UNC93A: variants seen among roughly 807,000 people sequenced by gnomAD.
The protein encoded by UNC93A is N-acetylglucosamine transporter UNC93A.
Under a neutral mutation model 47.5 loss-of-function variants are expected in UNC93A, and 43 were observed. The observed-to-expected ratio is 0.91, with a 90% CI of 0.71 to 1.17. UNC93A has a LOEUF of 1.17. UNC93A is among the 50% of genes most tolerant of loss of function. The pLI, the probability that UNC93A is intolerant of heterozygous loss-of-function variation, is 0.00. For synonymous variants in UNC93A, 280 were observed against 258.0 expected, an observed-to-expected ratio of 1.09 and a Z score of -0.82; for missense variants, 605 against 577.6, an observed-to-expected ratio of 1.05 and a Z score of -0.49.
chr6:167,300,652 T>C (rs1778217599), intron 4 of UNC93A, among the ~76,000 whole-genome samples: 1 of 152,134 alleles, frequency 6.6e-6, no homozygotes, highest in South Asian at 2.1e-4. Flanking sequence ...TGACTTGGAA[T>C]TGTGGTCATG....
At chr6:167,309,912 T>C (rs62438507) in intron 7 of UNC93A, among the ~76,000 whole-genome samples, 4,960 of 150,194 alleles carry the variant, frequency 0.033, 131 homozygotes, top group Non-Finnish European at 0.044. Flanking sequence ...TCTGGCTTGT[T>C]GGGATCAAGG....
chr6:167,285,055 T>C (rs1289597970), intron 1 of UNC93A, among the ~76,000 whole-genome samples: 2,866 of 152,296 alleles, frequency 0.019, 67 homozygotes, highest in African/African-American at 0.065. Flanking sequence ...TAAGCCAACC[T>C]GTTCCTTCCC....
chr6:167,305,124 C>A (rs1190525497), intron 5 of UNC93A, among the ~76,000 whole-genome samples: 1 of 152,216 alleles, frequency 6.6e-6, no homozygotes, highest in Non-Finnish European at 1.5e-5. Flanking sequence ...CCAGGCAAGG[C>A]TGCCAACTTA....
intron 3 of UNC93A, 86 bp from the exon 4 acceptor site, chr6:167,297,859 T>C: frequency 6.5e-7 from 1 of 1,546,084 alleles, no homozygotes; most frequent in South Asian, 1.2e-5. Context: ...CCAATGTCCT[T>C]TCCACTGTCA....
At chr6:167,314,802 C>A (rs13218438) in intron 7 of UNC93A, among the ~76,000 whole-genome samples, 33,604 of 152,084 alleles carry the variant, frequency 0.22, 3,728 homozygotes, top group South Asian at 0.32. Flanking sequence ...AGTTGTCTTG[C>A]CTTTCTGGAC....
chr6:167,297,467 T>C (rs1778118742), intron 3 of UNC93A, among the ~76,000 whole-genome samples: 1 of 152,192 alleles, frequency 6.6e-6, no homozygotes, highest in East Asian at 1.9e-4. Context: ...CAAATTGTAT[T>C]TTTCTAAGAG....
chr6:167,287,312 C>A (rs113309077), upstream of UNC93A, among the ~76,000 whole-genome samples: 2,894 of 152,294 alleles, frequency 0.019, 47 homozygotes, highest in East Asian at 0.072. Flanking sequence ...CCGAGCTGCT[C>A]TCTCCAAAGC....
upstream of UNC93A, among the ~76,000 whole-genome samples, chr6:167,270,318 G>C (rs548611300): frequency 5.3e-5 from 8 of 152,246 alleles, no homozygotes; most frequent in Admixed American, 5.2e-4. Context: ...AAGTCAGCCA[G>C]GCGTCATAAT....
chr6:167,310,284 C>T (rs140695680), intron 7 of UNC93A, among the ~76,000 whole-genome samples: 1,948 of 152,296 alleles, frequency 0.013, 1 homozygote, highest in Admixed American at 0.08. Context: ...AATATCCCCA[C>T]AATATTCCAT....
chr6:167,311,746 T>C (rs571007189), intron 7 of UNC93A, among the ~76,000 whole-genome samples: 1 of 152,402 alleles, frequency 6.6e-6, no homozygotes, highest in South Asian at 2.1e-4. Flanking sequence ...AAATACAGCT[T>C]TTATTTTGAA....
chr6:167,280,625 G>C (rs1160326127), intron 1 of UNC93A, among the ~76,000 whole-genome samples: 2 of 152,168 alleles, frequency 1.3e-5, no homozygotes, highest in Admixed American at 6.5e-5. Flanking sequence ...TAGGTCAGCT[G>C]GAGTGGCTCC....
chr6:167,306,426 G>A (rs1778395358), intron 6 of UNC93A, among the ~76,000 whole-genome samples: 1 of 152,218 alleles, frequency 6.6e-6, no homozygotes, highest in South Asian at 2.1e-4. Context: ...TGGGGTTGGG[G>A]CAGCTCTGTT....
intron 4 of UNC93A, among the ~76,000 whole-genome samples, chr6:167,301,522 A>C (rs1778239859): frequency 6.6e-6 from 1 of 152,170 alleles, no homozygotes; most frequent in South Asian, 2.1e-4. Flanking sequence ...TTCATAGTCA[A>C]GTTTCTTGCA....
intron 5 of UNC93A, among the ~76,000 whole-genome samples, chr6:167,305,570 A>G (rs1382666216): frequency 6.6e-6 from 1 of 150,844 alleles, no homozygotes; most frequent in Non-Finnish European, 1.5e-5. Context: ...TTTTTTTTTA[A>G]CTCTCTTTAG....
At position 167,314,553 on chromosome 6, in the gene UNC93A, A is replaced by G. The variant is rs375085142; in HGVS notation, c.1109-634A>G. Among the ~76,000 whole-genome samples, 24 of 152,278 alleles carry G rather than the reference A, an allele frequency of 1.6e-4. No individual in the cohort carries two copies. In the South Asian group the frequency reaches 4.4e-3, roughly 28 times the overall value. On this transcript the variant is annotated intron_variant, in intron 7 of 7. Coordinates refer to ENST00000230256, the MANE Select transcript of UNC93A (RefSeq NM_018974.4). The stretch of plus-strand genomic sequence containing the variant: ...CCCTGTGTTTAAATCACAAGCAGGA[A>G]AATCCTGGGGCTCCAAAATCCCTAA...
At chr6:167,279,003 T>C (rs1783588813) in intron 1 of UNC93A, among the ~76,000 whole-genome samples, 2 of 152,250 alleles carry the variant, frequency 1.3e-5, no homozygotes, top group South Asian at 2.1e-4. Flanking sequence ...TAAAAATCTT[T>C]GCTTCGAATT....
intron 4 of UNC93A, among the ~76,000 whole-genome samples, chr6:167,303,290 G>C (rs9364908): frequency 0.26 from 39,502 of 152,074 alleles, 5,167 homozygotes; most frequent in Middle Eastern, 0.32. Flanking sequence ...AATTGGTAGC[G>C]CACTCTACAC....
At chr6:167,276,065 T>C (rs1416461885) in intron 1 of UNC93A, among the ~76,000 whole-genome samples, 4 of 123,874 alleles carry the variant, frequency 3.2e-5, no homozygotes, top group South Asian at 2.5e-4. Context: ...TTTTCTTTTC[T>C]TTTTTTTTTT....
intron 1 of UNC93A, among the ~76,000 whole-genome samples, chr6:167,281,231 C>A (rs1483654887): frequency 2.6e-5 from 4 of 151,904 alleles, no homozygotes; most frequent in African/African-American, 9.7e-5. Flanking sequence ...GGACAGCCCA[C>A]CAAGAGAAGC....
Sources: gnomAD v4.1 joint callset for allele counts (sites outside exome capture counted in the v4.1 genomes callset) on GRCh38, gnomAD v4.1.1 for gene constraint, MANE v1.5 for transcripts, NCBI Gene and HGNC (gene_info 2026-07-23, HGNC 2026-07-21) for gene names.